PACSIN1: variants seen among roughly 807,000 people sequenced by gnomAD.
PACSIN1 encodes the protein protein kinase C and casein kinase substrate in neurons protein 1.
In PACSIN1, 15 loss-of-function variants were observed where a neutral mutation model predicts 59.5. The ratio of observed to expected loss-of-function variants is 0.25; its 90% CI spans 0.17 to 0.39. The LOEUF (loss-of-function observed/expected upper bound fraction) is 0.39, where lower values mean the gene tolerates loss of function less well. PACSIN1 is among the 10% of genes least tolerant of loss of function. PACSIN1 has a pLI of 1.00. For missense variants in PACSIN1, 420 were observed against 580.2 expected (o/e 0.72, Z 2.84); for synonymous variants, 210 against 220.6 (o/e 0.95, Z 0.42).
chr6:34,501,098 T>C (rs1250038351), intron 1 of PACSIN1, among the ~76,000 whole-genome samples: 1 of 152,264 alleles, frequency 6.6e-6, no homozygotes, highest in Non-Finnish European at 1.5e-5. Context: ...TGTTTTGTTT[T>C]CTTATCATTT....
chr6:34,485,745 G>T (rs1452679182), intron 1 of PACSIN1, among the ~76,000 whole-genome samples: 1 of 152,178 alleles, frequency 6.6e-6, no homozygotes, highest in Non-Finnish European at 1.5e-5. Context: ...GCCCTGTGAG[G>T]GCCCACCCAG....
At chr6:34,497,481 T>A (rs1301343449) in intron 1 of PACSIN1, among the ~76,000 whole-genome samples, 2 of 152,156 alleles carry the variant, frequency 1.3e-5, no homozygotes, top group Non-Finnish European at 2.9e-5. Context: ...AGTCAGCTGC[T>A]GCAACAATTG....
At chr6:34,494,504 G>A (rs140724827) in intron 1 of PACSIN1, among the ~76,000 whole-genome samples, 2 of 152,162 alleles carry the variant, frequency 1.3e-5, no homozygotes, top group Admixed American at 6.5e-5. Flanking sequence ...GTGCAGTGAC[G>A]CATTCATAGC....
chr6:34,528,589 G>T, intron 3 of PACSIN1, 53 bp from the exon 4 acceptor site: 1 of 1,278,302 alleles, frequency 7.8e-7, no homozygotes, highest in Non-Finnish European at 1.1e-6. Context: ...ATGTGAGGGG[G>T]GGCCTCTGGG....
At chr6:34,498,189 G>A (rs1211392936) in intron 1 of PACSIN1, among the ~76,000 whole-genome samples, 1 of 152,060 alleles carries the variant, frequency 6.6e-6, no homozygotes, top group Non-Finnish European at 1.5e-5. Context: ...AGCCTCCCAA[G>A]TAGCTGGGAC....
chr6:34,529,627 T>G lies in PACSIN1; in HGVS notation c.613-39T>G. The G allele has an allele frequency of 1.2e-6, 2 of 1,612,260 alleles. No homozygotes were observed. Among genetic ancestry groups the G allele is most frequent in the Non-Finnish European group, 1.7e-6 (2 of 1,178,540 alleles). On this transcript the variant is annotated intron_variant, in intron 5 of 9. Transcript: ENST00000244458. The surrounding 1 kb of genome is among the most constrained non-coding windows in gnomAD (Gnocchi z 6.3). Reference sequence around the variant, plus strand: ...GGGTGGTGGCTGGGAGCTGCAGGCCTGGCTAGGTGTCACCCTCTCTCCACT... The same window carrying G: ...GGGTGGTGGCTGGGAGCTGCAGGCCGGGCTAGGTGTCACCCTCTCTCCACT...
chr6:34,489,422 C>A (rs888897430), intron 1 of PACSIN1, among the ~76,000 whole-genome samples: 6 of 152,164 alleles, frequency 3.9e-5, no homozygotes, highest in Non-Finnish European at 5.9e-5. Context: ...ATCACCCCAT[C>A]CAGCAGCAGT....
chr6:34,496,327 T>C (rs1052147249), intron 1 of PACSIN1, among the ~76,000 whole-genome samples: 35 of 132,152 alleles, frequency 2.6e-4, no homozygotes, highest in African/African-American at 1.0e-3. Context: ...CTCCCTACAG[T>C]GGGGAGGAGG....
chr6:34,467,671 G>A (rs1280440650), intron 1 of PACSIN1, among the ~76,000 whole-genome samples: 1 of 147,806 alleles, frequency 6.8e-6, no homozygotes, highest in Non-Finnish European at 1.5e-5. Context: ...CGATTCTCCT[G>A]CCTCAGCCTC....
intron 1 of PACSIN1, among the ~76,000 whole-genome samples, chr6:34,480,418 C>T (rs539002603): frequency 3.3e-5 from 5 of 150,964 alleles, no homozygotes; most frequent in Admixed American, 6.6e-5. Flanking sequence ...AGAGATGGGG[C>T]GCTCCCTATT....
chr6:34,511,641 C>T (rs1412438447), intron 1 of PACSIN1, among the ~76,000 whole-genome samples: 4 of 152,194 alleles, frequency 2.6e-5, no homozygotes, highest in African/African-American at 9.7e-5. Context: ...GCCACCTACA[C>T]AGAATCCCAC....
At position 34,534,117 on chromosome 6, in the gene PACSIN1, AAGAG is replaced by A. The variant is rs1014036717; in HGVS notation, c.*1594_*1597del. The A allele has an allele frequency of 8.5e-5, 13 of 153,214 alleles. No homozygotes were observed. The allele number at this position is 153,214 out of a possible 1,614,324, so 9.5% of individuals were successfully genotyped here. A position where few individuals can be genotyped will look rare whatever the true frequency, so the allele number is the denominator to read the frequency against. The stretch of plus-strand genomic sequence containing the variant: ...ACCTGGCCTCCTGGGCCTCCAGGTA[AAGAG>A]AGAGAGCCAGCCCAGCCCTGTTTCC... On this transcript the variant is annotated 3_prime_UTR_variant, in exon 10 of 10. Transcript: ENST00000244458.
intron 1 of PACSIN1, among the ~76,000 whole-genome samples, chr6:34,476,389 T>C (rs993854596): frequency 6.6e-6 from 1 of 152,196 alleles, no homozygotes; most frequent in Non-Finnish European, 1.5e-5. Context: ...TTGGCTCTCC[T>C]GCTTCCTGCA....
chr6:34,476,560 C>T (rs1259105997), intron 1 of PACSIN1, among the ~76,000 whole-genome samples: 2 of 152,190 alleles, frequency 1.3e-5, no homozygotes, highest in Non-Finnish European at 1.5e-5. Flanking sequence ...CTTGGCCCTG[C>T]CCCAGATGGG....
At chr6:34,509,773 C>G (rs968723645) in intron 1 of PACSIN1, among the ~76,000 whole-genome samples, 2 of 152,044 alleles carry the variant, frequency 1.3e-5, no homozygotes, top group African/African-American at 4.8e-5. Flanking sequence ...ACAAGTATTT[C>G]ATCTCCTAGG....
In PACSIN1 at chr6:34,529,283, TAAGAGTGTGGGCTCA is replaced by T; in HGVS notation, c.457-113_457-99del. ...CAGGGCCTGCATCCCTTCTGGCTCT[TAAGAGTGTGGGCTCA>T]CAGGTCCCAGGGAGTGGGCAGGGGA... On this transcript the variant is annotated intron_variant, in intron 4 of 9. Coordinates refer to ENST00000244458, the MANE Select transcript of PACSIN1 (RefSeq NM_020804.5). The surrounding 1 kb of genome is among the most constrained non-coding windows in gnomAD (Gnocchi z 6.3). The T allele has an allele frequency of 8.7e-7, 1 of 1,151,630 alleles. No homozygotes were observed. The highest frequency in any genetic ancestry group is 1.2e-6 in the Non-Finnish European group (1 of 804,206). 71.3% of individuals were successfully genotyped at this position (1,151,630 alleles called of 1,614,324 possible).
chr6:34,529,912 C>G lies in PACSIN1; in HGVS notation c.788+71C>G. On this transcript the variant is annotated intron_variant, in intron 6 of 9. Coordinates refer to ENST00000244458, the MANE Select transcript of PACSIN1 (RefSeq NM_020804.5). The surrounding 1 kb of genome is among the most constrained non-coding windows in gnomAD (Gnocchi z 6.3). ...ATGGTGTGACTGGCATGCAGGGCAT[C>G]CCAGCCCTCCATCACAGTGACGGGA... The G allele has an allele frequency of 6.7e-7, 1 of 1,481,660 alleles. No homozygotes were observed. The highest frequency in any genetic ancestry group is 9.2e-7 in the Non-Finnish European group (1 of 1,084,084). The allele number at this position is 1,481,660 out of a possible 1,614,324, so 91.8% of individuals were successfully genotyped here.
chr6:34,530,968 G>A lies in PACSIN1; in HGVS notation c.1037+381G>A, dbSNP rs1390050053. On this transcript the variant is annotated intron_variant, in intron 8 of 9. Coordinates refer to ENST00000244458, the MANE Select transcript of PACSIN1 (RefSeq NM_020804.5). The surrounding 1 kb of genome is among the most constrained non-coding windows in gnomAD (Gnocchi z 4.4). The stretch of plus-strand genomic sequence containing the variant: ...ATCTAACAGGAGGTGCAGCTCAGGC[G>A]ATAATGCTCCCTCGCCTGTCACTCA... Among the ~76,000 whole-genome samples, 1 of 152,180 alleles carries A rather than the reference G, an allele frequency of 6.6e-6. No individual in the cohort carries two copies. Among genetic ancestry groups the A allele is most frequent in the South Asian group, 2.1e-4 (1 of 4,832 alleles).
Position 34,530,626 on chromosome 6 carries a change from A to G in PACSIN1, c.1037+39A>G. The G allele has an allele frequency of 6.6e-7, 1 of 1,506,480 alleles. No homozygotes were observed. 93.3% of individuals were successfully genotyped at this position (1,506,480 alleles called of 1,614,324 possible). On this transcript the variant is annotated intron_variant, in intron 8 of 9. Transcript: ENST00000244458. This position sits in a 1 kb window ranked among gnomAD's most constrained non-coding sequence, Gnocchi z 4.4. The stretch of plus-strand genomic sequence containing the variant: ...GTGGAGCTTCCTGGGGCCAAGAGGG[A>G]CCCACACTCTGGGGCAGCTGAGTTT...
Sources: gnomAD v4.1 joint callset for allele counts (sites outside exome capture counted in the v4.1 genomes callset) on GRCh38, gnomAD v4.1.1 for gene constraint, Gnocchi (gnomAD v3.1) non-coding constraint, MANE v1.5 for transcripts, NCBI Gene and HGNC (gene_info 2026-07-23, HGNC 2026-07-21) for gene names.